The following PPP2R5C variants were observed in gnomAD, a reference collection of about 807,000 sequenced individuals.
PPP2R5C encodes protein phosphatase 2 regulatory subunit B'gamma, also known as serine/threonine-protein phosphatase 2A 56 kDa regulatory subunit gamma isoform.
Under a neutral mutation model 68.9 loss-of-function variants are expected in PPP2R5C, and 7 were observed. The observed-to-expected ratio is 0.10, with a 90% confidence interval of 0.06 to 0.19. The LOEUF is 0.19. Among genes scored for constraint, PPP2R5C ranks in the 10% least tolerant of loss-of-function variants. The probability of loss-of-function intolerance (pLI) is 1.00; values close to 1 mark genes in which losing one functional copy is unlikely to be tolerated. For missense variants in PPP2R5C, 348 were observed against 641.3 expected, an observed-to-expected ratio of 0.54 and a Z score of 4.94; for synonymous variants, 210 against 222.2, an observed-to-expected ratio of 0.95 and a Z score of 0.49.
intron 1 of PPP2R5C, among the ~76,000 whole-genome samples, chr14:101,811,963 A>T (rs1302128353): frequency 6.6e-6 from 1 of 152,118 alleles, no homozygotes; most frequent in East Asian, 1.9e-4. Flanking sequence ...GGGAAAAAGC[A>T]GTGAAGTGTA....
intron 13 of PPP2R5C, among the ~76,000 whole-genome samples, chr14:101,922,599 A>T (rs1350299766): frequency 6.6e-6 from 1 of 151,930 alleles, no homozygotes; most frequent in Non-Finnish European, 1.5e-5. Context: ...GAATTGCTCG[A>T]AGCCAGGAGT....
intron 1 of PPP2R5C, among the ~76,000 whole-genome samples, chr14:101,831,328 A>G (rs1460909898): frequency 6.6e-6 from 1 of 152,254 alleles, no homozygotes; most frequent in Non-Finnish European, 1.5e-5. Context: ...CCAGAAAAGA[A>G]TTTGATAAGG....
chr14:101,802,602 C>T (rs770195243), intron 3 of PPP2R5C, among the ~76,000 whole-genome samples: 3 of 151,558 alleles, frequency 2.0e-5, no homozygotes, highest in Admixed American at 6.6e-5. Context: ...AAAGCTCAGG[C>T]GACAAAAATA....
chr14:101,784,775 G>C (rs2038009322), intron 2 of PPP2R5C, among the ~76,000 whole-genome samples: 1 of 152,316 alleles, frequency 6.6e-6, no homozygotes, highest in African/African-American at 2.4e-5. Context: ...GGTGGGCAAC[G>C]AGCACATTAT....
At position 101,835,689 on chromosome 14, in the gene PPP2R5C, G is replaced by A. The variant is rs768265618; in HGVS notation, c.95-20997G>A. ...CACAGTCTTCATCTTGAGCAGGAAC[G>A]GTGAGACCACTCTTCTCCCTGTAAG... On this transcript the variant is annotated intron_variant, in intron 1 of 13. Coordinates refer to ENST00000334743, the Ensembl canonical transcript of PPP2R5C. The surrounding 1 kb of genome is among the most constrained non-coding windows in gnomAD (Gnocchi z 5.0). 1.4e-4 allele frequency among the ~76,000 whole-genome samples: 22 copies of A among 152,340 alleles called. No homozygotes were observed. The highest frequency in any genetic ancestry group is 4.6e-4 in the African/African-American group (19 of 41,590).
intron 13 of PPP2R5C, 120 bp downstream of exon 15, chr14:101,918,067 T>C: frequency 7.0e-7 from 1 of 1,419,408 alleles, no homozygotes; most frequent in Non-Finnish European, 9.5e-7. Context: ...AAAACTTAAA[T>C]TTTGCTAGTC....
chr14:101,771,839 T>C (rs1466429702), intron 2 of PPP2R5C, among the ~76,000 whole-genome samples: 4 of 152,176 alleles, frequency 2.6e-5, no homozygotes, highest in African/African-American at 7.2e-5. Flanking sequence ...ATCAAATTAC[T>C]AAGGGGCTCT....
At chr14:101,818,217 C>T (rs1048191623) in intron 1 of PPP2R5C, 1 of 152,180 alleles carries the variant, frequency 6.6e-6, no homozygotes, top group Non-Finnish European at 1.5e-5. Flanking sequence ...TTTCTGTTCC[C>T]GTGCTCCAGT....
chr14:101,875,226 G>A (rs768327174), intron 2 of PPP2R5C, among the ~76,000 whole-genome samples: 5 of 152,162 alleles, frequency 3.3e-5, no homozygotes, highest in African/African-American at 1.2e-4. Context: ...GAGGAAGCGC[G>A]AGGTAGATTT....
Position 101,891,255 on chromosome 14 carries a change from C to G in PPP2R5C, c.689+959C>G, listed in dbSNP as rs1212266300. ...GCCTGTGGTGGAGAAGTCTGGCACT[C>G]TGGATGGATCTAGTGACGCTCTGCA... On this transcript the variant is annotated intron_variant, in intron 6 of 13. Transcript: ENST00000334743. The surrounding 1 kb of genome is among the most constrained non-coding windows in gnomAD (Gnocchi z 4.9). 6.6e-6 allele frequency among the ~76,000 whole-genome samples: 1 copy of G among 152,102 alleles called. No homozygotes were observed. The highest frequency in any genetic ancestry group is 1.9e-4 in the East Asian group (1 of 5,192).
chr14:101,843,463 A>G (rs1301343911), intron 1 of PPP2R5C: 2 of 197,884 alleles, frequency 1.0e-5, no homozygotes, highest in Admixed American at 1.0e-4. Context: ...CCATTCACAT[A>G]ATTGATTTTC....
At chr14:101,819,077 A>G in intron 1 of PPP2R5C, 1 of 1,549,030 alleles carries the variant, frequency 6.5e-7, no homozygotes, top group Non-Finnish European at 8.7e-7. Flanking sequence ...GGTGGGCTTC[A>G]AGGAAGAGGT....
intron 3 of PPP2R5C, chr14:101,789,654 A>G (rs2038272708): frequency 6.6e-6 from 1 of 152,136 alleles, no homozygotes; most frequent in African/African-American, 2.4e-5. Flanking sequence ...GTTCTTTTTC[A>G]TAAACCTGTA....
chr14:101,764,711 C>T (rs1258842095), intron 2 of PPP2R5C, among the ~76,000 whole-genome samples: 2 of 151,600 alleles, frequency 1.3e-5, no homozygotes, highest in Non-Finnish European at 2.9e-5. Context: ...TGGGATTTGA[C>T]TTGTTTCTTT....
intron 10 of PPP2R5C, among the ~76,000 whole-genome samples, chr14:101,907,539 C>T (rs1022903773): frequency 2.0e-5 from 3 of 152,132 alleles, no homozygotes; most frequent in Admixed American, 1.3e-4. Context: ...TTTTCTTTCC[C>T]CACCTTCTTT....
intron 6 of PPP2R5C, among the ~76,000 whole-genome samples, 196 bp from the exon 9 acceptor site, chr14:101,892,804 G>C (rs561459461): frequency 6.6e-6 from 1 of 151,928 alleles, no homozygotes; most frequent in African/African-American, 2.4e-5. Context: ...CTACAGCCTC[G>C]AACTCCGGGT....
intron 1 of PPP2R5C, chr14:101,833,309 A>T (rs1208150755): frequency 6.6e-6 from 1 of 152,294 alleles, no homozygotes; most frequent in African/African-American, 2.4e-5. Context: ...TTCGAGGTGG[A>T]GCTTCCCAGC....
intron 5 of PPP2R5C, among the ~76,000 whole-genome samples, chr14:101,886,333 G>A (rs2044512421): frequency 6.6e-6 from 1 of 151,880 alleles, no homozygotes; most frequent in African/African-American, 2.4e-5. Flanking sequence ...AAGAACCTTA[G>A]GAAATACTTA....
chr14:101,827,348 G>A (rs1203892124), intron 1 of PPP2R5C, among the ~76,000 whole-genome samples: 2 of 152,090 alleles, frequency 1.3e-5, no homozygotes, highest in Non-Finnish European at 2.9e-5. Context: ...TTTATCCTGT[G>A]GCTTTATGCA....
Sources: allele counts gnomAD v4.1 joint callset (sites outside exome capture counted in the v4.1 genomes callset), GRCh38; gene constraint gnomAD v4.1.1; non-coding constraint Gnocchi (gnomAD v3.1); transcripts MANE v1.5; gene names NCBI Gene and HGNC (gene_info 2026-07-23, HGNC 2026-07-21).